Variants in UNC79 observed in about 807,000 individuals in gnomAD.
The protein encoded by UNC79 is protein unc-79 homolog.
In UNC79, 37 loss-of-function variants were observed where a neutral mutation model predicts 283.1. The ratio of observed to expected loss-of-function variants is 0.13; its 90% CI spans 0.10 to 0.17. The LOEUF (loss-of-function observed/expected upper bound fraction) is 0.17. Among genes scored for constraint, UNC79 ranks in the 10% least tolerant of loss-of-function variants. The pLI, the probability that UNC79 is intolerant of heterozygous loss-of-function variation, is 1.00. For missense variants in UNC79, 2,272 were observed against 3,211.1 expected (o/e 0.71, Z 7.07); for synonymous variants, 1,107 against 1,200.2 (o/e 0.92, Z 1.61).
chr14:93,394,349 GTCTTT>G (rs1566909949), intron 1 of UNC79, among the ~76,000 whole-genome samples: 3 of 113,094 alleles, frequency 2.7e-5, no homozygotes, highest in African/African-American at 9.2e-5. Context: ...TCATGCAATT[GTCTTT>G]TATTTTATTT....
rs891752957 is a variant in UNC79, at chr14:93,672,984, G to A, written c.6637-367G>A. Among the ~76,000 whole-genome samples, 2 of 152,270 alleles carry A rather than the reference G, an allele frequency of 1.3e-5. 1 individual carries two copies. The highest frequency in any genetic ancestry group is 4.1e-4 in the South Asian group (2 of 4,822). Reference sequence around the variant, plus strand: ...CCTTGGAGAGGTCACAGAATAAAGAGTTGTATATGTTTCTCTCTAAATCAT... The same window carrying A: ...CCTTGGAGAGGTCACAGAATAAAGAATTGTATATGTTTCTCTCTAAATCAT... On this transcript the variant is annotated intron_variant, in intron 40 of 48. Coordinates refer to ENST00000555664, the Ensembl canonical transcript of UNC79.
Position 93,562,083 on chromosome 14 carries a change from CT to C in UNC79, c.1756-9809del, listed in dbSNP as rs199990184. On this transcript the variant is annotated intron_variant, in intron 14 of 48. Coordinates refer to ENST00000555664, the Ensembl canonical transcript of UNC79. The stretch of plus-strand genomic sequence containing the variant: ...AGTTTAAGGGAAGTAGTGGGGAGTA[CT>C]TGCGACTTCCAGGAGGAAGAAGAGA... Among the ~76,000 whole-genome samples, 518 of 152,276 alleles carry C rather than the reference CT, an allele frequency of 3.4e-3. 10 individuals carry two copies. The South Asian group carries it at 0.053, about 16-fold the overall frequency.
At chr14:93,572,915 G>A (rs1050830922) in intron 16 of UNC79, 99 bp downstream of exon 16, 45 of 1,477,776 alleles carry the variant, frequency 3.0e-5, no homozygotes, top group African/African-American at 4.2e-5. Context: ...CAAAGACTTC[G>A]TAAGTCCCCA....
At chr14:93,648,423 G>T (rs890214227) in intron 35 of UNC79, among the ~76,000 whole-genome samples, 2 of 152,200 alleles carry the variant, frequency 1.3e-5, no homozygotes, top group Non-Finnish European at 2.9e-5. Flanking sequence ...TAGTGGTTTG[G>T]TCTAAAGTGG....
intron 1 of UNC79, among the ~76,000 whole-genome samples, chr14:93,333,908 G>A (rs901755774): frequency 7.2e-5 from 11 of 152,216 alleles, no homozygotes; most frequent in African/African-American, 2.7e-4. Flanking sequence ...GGCAAGCCAA[G>A]ATCAGAACCC....
chr14:93,571,948 C>T, exon 15 of UNC79: 1 of 1,614,152 alleles, frequency 6.2e-7, no homozygotes, highest in East Asian at 2.2e-5. Context: ...GAAGGAAGGT[C>T]TCAACCGAAT....
chr14:93,534,427 A>T (rs2060973006), intron 11 of UNC79, among the ~76,000 whole-genome samples: 1 of 152,094 alleles, frequency 6.6e-6, no homozygotes, highest in South Asian at 2.1e-4. Flanking sequence ...TGCTAGTATG[A>T]CTTTCTTAAA....
intron 40 of UNC79, among the ~76,000 whole-genome samples, chr14:93,671,786 A>AAAC (rs1229124025): frequency 2.0e-5 from 3 of 152,088 alleles, no homozygotes; most frequent in Non-Finnish European, 4.4e-5. Flanking sequence ...ACAAACAAGC[A>AAAC]AACAACAACA....
At chr14:93,577,535 AT>A (rs137976300) in intron 17 of UNC79, among the ~76,000 whole-genome samples, 2,216 of 152,246 alleles carry the variant, frequency 0.015, 56 homozygotes, top group African/African-American at 0.051. Flanking sequence ...TCGGGGTACA[AT>A]TTTCAGTAGA....
chr14:93,695,089 T>C (rs567341209), intron 47 of UNC79, among the ~76,000 whole-genome samples: 1 of 152,258 alleles, frequency 6.6e-6, no homozygotes, highest in Non-Finnish European at 1.5e-5. Flanking sequence ...CCCACTCCGT[T>C]TATCTTTCTG....
At chr14:93,578,146 C>A in intron 18 of UNC79, 83 bp downstream of exon 18, 1 of 1,242,492 alleles carries the variant, frequency 8.0e-7, no homozygotes, top group South Asian at 1.4e-5. Context: ...ATGTGTTGGG[C>A]ATCTCCACAC....
At chr14:93,563,563 C>G (rs1285373245) in intron 14 of UNC79, among the ~76,000 whole-genome samples, 1 of 152,052 alleles carries the variant, frequency 6.6e-6, no homozygotes, top group Non-Finnish European at 1.5e-5. Context: ...AGAGGTAGTG[C>G]AGCGGGGGCA....
chr14:93,567,187 A>G (rs1461672853), intron 14 of UNC79, among the ~76,000 whole-genome samples: 1 of 152,148 alleles, frequency 6.6e-6, no homozygotes, highest in East Asian at 1.9e-4. Context: ...ATGCCAACCT[A>G]TACCCAATCC....
intron 7 of UNC79, among the ~76,000 whole-genome samples, chr14:93,512,085 T>A (rs1780452894): frequency 6.6e-6 from 1 of 152,218 alleles, no homozygotes; most frequent in South Asian, 2.1e-4. Context: ...TTGCTCTATC[T>A]TTATTGCCTG....
intron 26 of UNC79, 66 bp downstream of exon 26, chr14:93,603,484 G>A: frequency 1.3e-6 from 2 of 1,547,168 alleles, no homozygotes; most frequent in Admixed American, 1.9e-5. Flanking sequence ...GACTTGTCTT[G>A]TTGAATGTTC....
At chr14:93,386,508 T>C (rs2054777670) in intron 1 of UNC79, among the ~76,000 whole-genome samples, 1 of 152,240 alleles carries the variant, frequency 6.6e-6, no homozygotes, top group Non-Finnish European at 1.5e-5. Context: ...AAGTAATCTC[T>C]CCTCTATTTT....
intron 1 of UNC79, among the ~76,000 whole-genome samples, chr14:93,372,325 A>G (rs1347353179): frequency 2.6e-5 from 4 of 152,222 alleles, no homozygotes; most frequent in Non-Finnish European, 5.9e-5. Context: ...AACCAACTCT[A>G]TTAATAATAA....
chr14:93,334,979 C>T (rs1028008007), intron 1 of UNC79: 1 of 152,196 alleles, frequency 6.6e-6, no homozygotes, highest in African/African-American at 2.4e-5. Flanking sequence ...TTATTACTAA[C>T]CTTTATTACT....
chr14:93,523,035 C>T (rs529381712), intron 7 of UNC79, among the ~76,000 whole-genome samples: 10 of 152,274 alleles, frequency 6.6e-5, no homozygotes, highest in South Asian at 6.2e-4. Context: ...CAAATTCCCA[C>T]GTATTAAGAA....
Sources: gnomAD v4.1 joint callset for allele counts (sites outside exome capture counted in the v4.1 genomes callset) on GRCh38, gnomAD v4.1.1 for gene constraint, MANE v1.5 for transcripts, NCBI Gene and HGNC (gene_info 2026-07-23, HGNC 2026-07-21) for gene names.